Variants in RBM25 observed in about 807,000 individuals in gnomAD.
RBM25 encodes the protein RNA binding motif protein 25.
RBM25 carries 19 observed loss-of-function variants against 120.7 expected under a neutral mutation model. The ratio of observed to expected loss-of-function variants is 0.16; its 90% CI spans 0.11 to 0.23. The LOEUF is 0.23. Among genes scored for constraint, RBM25 ranks in the 10% least tolerant of loss-of-function variants. The probability of loss-of-function intolerance (pLI) is 1.00; values close to 1 mark genes in which losing one functional copy is unlikely to be tolerated. For synonymous variants in RBM25, 390 were observed against 326.7 expected, an observed-to-expected ratio of 1.19 and a Z score of -2.09; for missense variants, 605 against 1,041.5, an observed-to-expected ratio of 0.58 and a Z score of 5.77.
At chr14:73,080,255 G>A (rs1316443518) in intron 4 of RBM25, among the ~76,000 whole-genome samples, 1 of 93,176 alleles carries the variant, frequency 1.1e-5, no homozygotes, top group Non-Finnish European at 1.9e-5. Flanking sequence ...ATGGAGTCTT[G>A]CTCTGTCGCC....
Position 73,105,868 on chromosome 14 carries a change from C to T in RBM25, c.1164C>T (p.Ser388=). Residue 388 remains serine (S), a synonymous_variant, in exon 11 of 19, where the codon AGC becomes AGT. Coordinates refer to ENST00000261973, the MANE Select transcript of RBM25 (RefSeq NM_021239.3). ...NKDRSRSREK[S]RDRERERERE... is the part of the protein sequence containing the mutation. ...ATTTTGTTTACATTAGAGAAAAAAGCAGAGATCGTGAAAGGGAACGAGAGC... is the reference window on the plus strand; with the variant it reads ...ATTTTGTTTACATTAGAGAAAAAAGTAGAGATCGTGAAAGGGAACGAGAGC... 1.2e-6 allele frequency: 2 copies of T among 1,605,742 alleles called. No homozygotes were observed. Among genetic ancestry groups the T allele is most frequent in the Non-Finnish European group, 1.7e-6 (2 of 1,177,238 alleles).
chr14:73,085,844 A>G (rs1380971136), intron 5 of RBM25, among the ~76,000 whole-genome samples: 1 of 151,938 alleles, frequency 6.6e-6, no homozygotes, highest in African/African-American at 2.4e-5. Context: ...GCAGTGACTG[A>G]TTTTCTTTTT....
chr14:73,062,095 G>C (rs1441801872), intron 1 of RBM25, among the ~76,000 whole-genome samples: 4 of 151,384 alleles, frequency 2.6e-5, no homozygotes, highest in Non-Finnish European at 4.4e-5. Flanking sequence ...GGGCTCAAGT[G>C]ATCCTCCTGC....
At chr14:73,117,726 C>A (rs1374615792) in intron 18 of RBM25, among the ~76,000 whole-genome samples, 1 of 152,184 alleles carries the variant, frequency 6.6e-6, no homozygotes, top group Non-Finnish European at 1.5e-5. Flanking sequence ...TAAGAGGCAG[C>A]AGTGCAATTT....
At chr14:73,080,213 C>CTTTTTTTTTTTTTTTTT (rs766461418) in intron 4 of RBM25, among the ~76,000 whole-genome samples, 3 of 67,196 alleles carry the variant, frequency 4.5e-5, no homozygotes, top group African/African-American at 1.3e-4. Flanking sequence ...TCTTACACAT[C>CTTTTTTTTTTTTTTTTT]TTTTTTTTTT....
intron 2 of RBM25, 56 bp from the exon 3 acceptor site, chr14:73,076,263 A>T: frequency 1.5e-6 from 2 of 1,364,832 alleles, no homozygotes; most frequent in Non-Finnish European, 1.0e-6. Context: ...ATTGTGTGGC[A>T]TGTTGTTGAT....
intron 18 of RBM25, among the ~76,000 whole-genome samples, chr14:73,119,315 C>T (rs566890849): frequency 4.6e-5 from 7 of 152,076 alleles, no homozygotes; most frequent in Admixed American, 2.0e-4. Flanking sequence ...CTCTGTTGCT[C>T]AGGCTGGAGT....
chr14:73,119,442 T>A (rs141623388), intron 18 of RBM25, among the ~76,000 whole-genome samples: 2,446 of 152,236 alleles, frequency 0.016, 47 homozygotes, highest in East Asian at 0.049. Flanking sequence ...GTTTTTTGTA[T>A]TTTTAGTAGA....
intron 18 of RBM25, among the ~76,000 whole-genome samples, chr14:73,118,114 G>T (rs1456543680): frequency 4.6e-5 from 7 of 152,184 alleles, no homozygotes; most frequent in Non-Finnish European, 1.0e-4. Context: ...TCTGGACACT[G>T]TACTAAATAC....
intron 6 of RBM25, among the ~76,000 whole-genome samples, chr14:73,091,662 A>T (rs1176060847): frequency 6.6e-6 from 1 of 152,196 alleles, no homozygotes; most frequent in Non-Finnish European, 1.5e-5. Flanking sequence ...ACCTGAGGTC[A>T]GGAGTTTGAA....
chr14:73,081,714 T>G (rs1474438235), intron 4 of RBM25, among the ~76,000 whole-genome samples: 1 of 152,224 alleles, frequency 6.6e-6, no homozygotes, highest in East Asian at 1.9e-4. Context: ...GTCAGTAGTT[T>G]ACCGGGATAT....
At chr14:73,106,346 G>A in intron 12 of RBM25, 61 bp downstream of exon 12, 1 of 1,288,126 alleles carries the variant, frequency 7.8e-7, no homozygotes, top group Non-Finnish European at 1.1e-6. Context: ...TATCTTTACT[G>A]CTAACTACAA....
At chr14:73,103,522 A>G in intron 10 of RBM25, 44 bp downstream of exon 10, 1 of 1,529,986 alleles carries the variant, frequency 6.5e-7, no homozygotes, top group Non-Finnish European at 8.8e-7. Context: ...GCTTTAAGAA[A>G]ACTATCGGGT....
intron 4 of RBM25, among the ~76,000 whole-genome samples, chr14:73,081,222 C>T (rs907298856): frequency 6.8e-6 from 1 of 147,032 alleles, no homozygotes; most frequent in Non-Finnish European, 1.5e-5. Flanking sequence ...TCACTGCAAC[C>T]TCCGCCTCCC....
intron 17 of RBM25, among the ~76,000 whole-genome samples, chr14:73,113,925 A>G (rs1402071794): frequency 3.3e-5 from 5 of 152,212 alleles, no homozygotes; most frequent in South Asian, 4.1e-4. Context: ...AACAGTTAAC[A>G]TAGTAGAAAC....
intron 18 of RBM25, among the ~76,000 whole-genome samples, chr14:73,118,569 T>A (rs1314979369): frequency 6.6e-6 from 1 of 152,194 alleles, no homozygotes; most frequent in East Asian, 1.9e-4. Flanking sequence ...ATTTAGTTCT[T>A]CTTAAATTAC....
chr14:73,107,758 C>CA, intron 12 of RBM25, 68 bp from the exon 13 acceptor site: 1 of 1,192,118 alleles, frequency 8.4e-7, no homozygotes, highest in Non-Finnish European at 1.2e-6. Flanking sequence ...TCTGTTTACA[C>CA]AAAAAAGGGA....
intron 7 of RBM25, among the ~76,000 whole-genome samples, chr14:73,098,665 C>T (rs1206582029): frequency 2.0e-5 from 3 of 149,344 alleles, no homozygotes; most frequent in African/African-American, 4.9e-5. Flanking sequence ...CCACCCAAGA[C>T]GGAGTCTCAC....
At chr14:73,087,049 T>C (rs1895702526) in intron 5 of RBM25, among the ~76,000 whole-genome samples, 1 of 40,270 alleles carries the variant, frequency 2.5e-5, no homozygotes, top group Non-Finnish European at 4.4e-5. Flanking sequence ...CTTTATGGTA[T>C]ATCACACTGA....
Sources: allele counts gnomAD v4.1 joint callset (sites outside exome capture counted in the v4.1 genomes callset), GRCh38; gene constraint gnomAD v4.1.1; transcripts MANE v1.5; gene names NCBI Gene and HGNC (gene_info 2026-07-23, HGNC 2026-07-21).